The following CADPS2 variants were observed in gnomAD, a reference collection of about 807,000 sequenced individuals.
CADPS2 encodes calcium dependent secretion activator 2.
In CADPS2, 93 loss-of-function variants were observed where a neutral mutation model predicts 172.5. The observed-to-expected ratio is 0.54, with a 90% CI of 0.46 to 0.64. CADPS2 has a LOEUF of 0.64. Ranked by LOEUF, CADPS2 falls within the 30% of genes least tolerant of loss-of-function variation. The pLI, the probability that CADPS2 is intolerant of heterozygous loss-of-function variation, is 0.00. For missense variants in CADPS2, 1,420 were observed against 1,565.9 expected (o/e 0.91, Z 1.57); for synonymous variants, 546 against 555.2 (o/e 0.98, Z 0.23).
chr7:122,582,719 T>C (rs904727234), intron 6 of CADPS2, among the ~76,000 whole-genome samples: 2 of 152,058 alleles, frequency 1.3e-5, no homozygotes, highest in Admixed American at 6.6e-5. Flanking sequence ...TCTCATGACA[T>C]ACCCTTTTAA....
intron 1 of CADPS2, among the ~76,000 whole-genome samples, chr7:122,880,970 CCT>C (rs1822786595): frequency 1.3e-5 from 2 of 152,158 alleles, no homozygotes; most frequent in Non-Finnish European, 2.9e-5. Flanking sequence ...ATGCAATCCA[CCT>C]CTTCCTTCAC....
rs1180469348 is a variant in CADPS2, at chr7:122,474,452, G to A, written c.1927C>T (p.His643Tyr). 6.2e-7 allele frequency: 1 copy of A among 1,613,380 alleles called. No homozygotes were observed. ...TGGAGTATTCTAAAAAGGAAGGCAT[G>A]ATCAAGCTTGCAGGGGTTTGCAGAA... is the stretch of plus-strand genomic sequence containing the variant. ...FISANPCKLD[H>Y]AFLFRILQRQ... Residue 643 changes from histidine (H) to tyrosine (Y), a missense_variant, in exon 13 of 30, where the codon CAT becomes TAT. Transcript: ENST00000449022.
intron 20 of CADPS2, among the ~76,000 whole-genome samples, chr7:122,398,738 TTCTCTCTCTCTCTC>T (rs375630670): frequency 7.6e-6 from 1 of 131,400 alleles, no homozygotes; most frequent in Non-Finnish European, 1.6e-5. Flanking sequence ...GAAAACACTC[TTCTCTCTCTCTCTC>T]TCTCTCTCTC....
At chr7:122,549,017 A>C (rs2063919264) in intron 8 of CADPS2, among the ~76,000 whole-genome samples, 1 of 152,214 alleles carries the variant, frequency 6.6e-6, no homozygotes, top group South Asian at 2.1e-4. Flanking sequence ...TCAATGAATT[A>C]ATGATGATTT....
intron 8 of CADPS2, among the ~76,000 whole-genome samples, chr7:122,537,047 A>T (rs1004043401): frequency 1.3e-5 from 2 of 152,010 alleles, no homozygotes; most frequent in African/African-American, 2.4e-5. Context: ...GGAGGGAAGA[A>T]GATCAGGAAA....
intron 1 of CADPS2, among the ~76,000 whole-genome samples, chr7:122,852,523 A>G (rs1413180609): frequency 6.6e-6 from 1 of 152,192 alleles, no homozygotes; most frequent in East Asian, 1.9e-4. Context: ...AACTTTAAAT[A>G]GGGAGGCCAG....
At chr7:122,802,150 G>C (rs1289462115) in intron 1 of CADPS2, among the ~76,000 whole-genome samples, 1 of 151,920 alleles carries the variant, frequency 6.6e-6, no homozygotes, top group Non-Finnish European at 1.5e-5. Context: ...AATAAGTAAA[G>C]AGTTTTCATA....
At chr7:122,643,975 T>C (rs1168274035) in intron 3 of CADPS2, among the ~76,000 whole-genome samples, 1 of 151,798 alleles carries the variant, frequency 6.6e-6, no homozygotes, top group Non-Finnish European at 1.5e-5. Context: ...TGTAATCCCA[T>C]GTACTCCAGA....
At chr7:122,748,234 T>TA (rs2092802531) in intron 1 of CADPS2, among the ~76,000 whole-genome samples, 1 of 152,172 alleles carries the variant, frequency 6.6e-6, no homozygotes, top group Non-Finnish European at 1.5e-5. Flanking sequence ...AAGATAGCTG[T>TA]ATGTTGTCCA....
chr7:122,590,182 A>C (rs181200504), intron 6 of CADPS2, among the ~76,000 whole-genome samples: 28 of 152,004 alleles, frequency 1.8e-4, no homozygotes, highest in Non-Finnish European at 2.9e-4. Context: ...AACAAACAAA[A>C]AAACAAAGTG....
intron 7 of CADPS2, among the ~76,000 whole-genome samples, chr7:122,580,818 T>C (rs2068712617): frequency 6.6e-6 from 1 of 152,154 alleles, no homozygotes; most frequent in Admixed American, 6.6e-5. Context: ...AATATAAAGA[T>C]GATCCTTTGA....
intron 16 of CADPS2, 74 bp from the exon 17 acceptor site, chr7:122,438,538 G>A: frequency 6.6e-7 from 1 of 1,506,972 alleles, no homozygotes; most frequent in Non-Finnish European, 9.1e-7. Flanking sequence ...GACAGATGTT[G>A]CATAAAATAA....
At chr7:122,817,440 C>A (rs968711821) in intron 1 of CADPS2, among the ~76,000 whole-genome samples, 13 of 152,126 alleles carry the variant, frequency 8.5e-5, no homozygotes, top group Non-Finnish European at 2.9e-5. Flanking sequence ...CTTTCATTTT[C>A]TGGGAGAGAC....
At chr7:122,519,547 A>C (rs1480100580) in intron 8 of CADPS2, among the ~76,000 whole-genome samples, 1 of 151,868 alleles carries the variant, frequency 6.6e-6, no homozygotes, top group African/African-American at 2.4e-5. Flanking sequence ...CAATAATCAT[A>C]AAGTATTAAT....
At chr7:122,816,916 T>C (rs1258301018) in intron 1 of CADPS2, among the ~76,000 whole-genome samples, 1 of 151,788 alleles carries the variant, frequency 6.6e-6, no homozygotes, top group Non-Finnish European at 1.5e-5. Context: ...GGCATTACCT[T>C]GTGAAAGTCC....
At chr7:122,677,037 C>A in intron 2 of CADPS2, among the ~76,000 whole-genome samples, 1 of 152,146 alleles carries the variant, frequency 6.6e-6, no homozygotes, top group East Asian at 1.9e-4. Flanking sequence ...TGCGTACATT[C>A]CCACCCCCAT....
At chr7:122,481,498 C>A (rs527807928) in intron 11 of CADPS2, among the ~76,000 whole-genome samples, 1 of 150,834 alleles carries the variant, frequency 6.6e-6, no homozygotes, top group South Asian at 2.1e-4. Context: ...CCCAGCACTT[C>A]GGGAGCTGAG....
At chr7:122,498,505 A>G (rs1465746725) in intron 9 of CADPS2, among the ~76,000 whole-genome samples, 1 of 151,930 alleles carries the variant, frequency 6.6e-6, no homozygotes, top group Admixed American at 6.6e-5. Context: ...TTTCCTCCAT[A>G]TCTTTTAATT....
At chr7:122,578,598 G>A (rs2068365304) in intron 7 of CADPS2, among the ~76,000 whole-genome samples, 1 of 152,236 alleles carries the variant, frequency 6.6e-6, no homozygotes, top group East Asian at 1.9e-4. Context: ...CATATCTAAT[G>A]TGCAGGGCCA....
Sources: gnomAD v4.1 joint callset for allele counts (sites outside exome capture counted in the v4.1 genomes callset) on GRCh38, gnomAD v4.1.1 for gene constraint, MANE v1.5 for transcripts, NCBI Gene and HGNC (gene_info 2026-07-23, HGNC 2026-07-21) for gene names.